LRP1B: variants seen among roughly 807,000 people sequenced by gnomAD.
The protein encoded by LRP1B is low-density lipoprotein receptor-related protein 1B.
Under a neutral mutation model 556.6 loss-of-function variants are expected in LRP1B, and 217 were observed. That is an observed-to-expected ratio of 0.39 (90% CI 0.35 to 0.44). The LOEUF is 0.44. Ranked by LOEUF, LRP1B falls within the 20% of genes least tolerant of loss-of-function variation. The pLI is 1.00. For synonymous variants in LRP1B, 2,047 were observed against 1,865.8 expected, an observed-to-expected ratio of 1.10 and a Z score of -2.50; for missense variants, 5,053 against 5,620.8, an observed-to-expected ratio of 0.90 and a Z score of 3.23.
intron 43 of LRP1B, among the ~76,000 whole-genome samples, chr2:140,578,484 T>A (rs1386870716): frequency 6.6e-6 from 1 of 152,206 alleles, no homozygotes; most frequent in Non-Finnish European, 1.5e-5. Flanking sequence ...CCTGGCCTCC[T>A]TCTACTCAGC....
intron 51 of LRP1B, among the ~76,000 whole-genome samples, chr2:140,514,258 G>A (rs1257821071): frequency 1.3e-5 from 2 of 151,864 alleles, no homozygotes; most frequent in Non-Finnish European, 2.9e-5. Flanking sequence ...TAAACAGCAC[G>A]TGTGGCTTGT....
chr2:141,579,287 T>C (rs1222298831), intron 2 of LRP1B, among the ~76,000 whole-genome samples: 1 of 152,190 alleles, frequency 6.6e-6, no homozygotes, highest in Non-Finnish European at 1.5e-5. Context: ...TTTCATTCTC[T>C]AGAGACAGGT....
chr2:140,620,657 A>C (rs1279263602), intron 41 of LRP1B, among the ~76,000 whole-genome samples: 1 of 152,020 alleles, frequency 6.6e-6, no homozygotes, highest in Non-Finnish European at 1.5e-5. Flanking sequence ...AGTAAGTGTA[A>C]AGATCTTCAA....
chr2:140,506,172 T>C (rs1402064747), intron 53 of LRP1B, among the ~76,000 whole-genome samples: 1 of 152,156 alleles, frequency 6.6e-6, no homozygotes, highest in Non-Finnish European at 1.5e-5. Context: ...GCCAGCCATA[T>C]ACTGTCTTCA....
intron 1 of LRP1B, among the ~76,000 whole-genome samples, chr2:141,826,601 C>T (rs923830132): frequency 3.9e-5 from 6 of 152,014 alleles, no homozygotes; most frequent in African/African-American, 1.2e-4. Context: ...CCTCGTGATC[C>T]GCCCACCTCA....
At chr2:140,748,136 TAATTC>T (rs1168602571) in intron 35 of LRP1B, among the ~76,000 whole-genome samples, 6 of 35,656 alleles carry the variant, frequency 1.7e-4, no homozygotes, top group African/African-American at 3.5e-4. Context: ...TATATATATA[TAATTC>T]ATATATATGT....
intron 7 of LRP1B, chr2:141,167,404 A>G (rs1307842065): frequency 6.6e-6 from 1 of 151,904 alleles, no homozygotes; most frequent in South Asian, 2.1e-4. Flanking sequence ...ATATTTTCCA[A>G]TAATCGTGTC....
Position 140,450,671 on chromosome 2 carries a change from GA to G in LRP1B, c.9964-11del. ...CAGTTTTGCAACGAAACTTAAAAAA[GA>G]AAAAAAGAAAAAAAAATGTTGAAGA... is the stretch of plus-strand genomic sequence containing the variant. On this transcript the variant is annotated splice_polypyrimidine_tract_variant and intron_variant, in intron 62 of 90. Transcript: ENST00000389484. 2 of 1,558,152 alleles carry G rather than the reference GA, an allele frequency of 1.3e-6. No individual in the cohort carries two copies. The highest frequency in any genetic ancestry group is 1.4e-5 in the African/African-American group (1 of 71,646).
At chr2:141,897,076 G>T (rs776615157) in intron 1 of LRP1B, among the ~76,000 whole-genome samples, 1 of 152,014 alleles carries the variant, frequency 6.6e-6, no homozygotes, top group Non-Finnish European at 1.5e-5. Context: ...ATGTATTCCT[G>T]TTCTGGAATC....
chr2:140,283,301 G>GCA (rs1682993260), intron 84 of LRP1B, among the ~76,000 whole-genome samples: 1 of 151,564 alleles, frequency 6.6e-6, no homozygotes, highest in African/African-American at 2.4e-5. Context: ...TTAAACTTTA[G>GCA]TGCATAGTGC....
intron 1 of LRP1B, among the ~76,000 whole-genome samples, chr2:142,029,870 A>G (rs1703626355): frequency 6.6e-6 from 1 of 150,912 alleles, no homozygotes; most frequent in South Asian, 2.1e-4. Context: ...ACCTGATGCA[A>G]TTAATTTCTA....
intron 1 of LRP1B, among the ~76,000 whole-genome samples, chr2:142,078,544 T>C (rs980918041): frequency 2.0e-5 from 3 of 152,192 alleles, no homozygotes; most frequent in African/African-American, 7.2e-5. Context: ...TGCTATTGAA[T>C]TAATGTATCC....
chr2:141,277,977 T>C (rs1484477100), intron 3 of LRP1B, among the ~76,000 whole-genome samples: 3 of 152,120 alleles, frequency 2.0e-5, no homozygotes, highest in East Asian at 3.8e-4. Flanking sequence ...AATAATAATA[T>C]CCATACTTCT....
intron 2 of LRP1B, among the ~76,000 whole-genome samples, chr2:141,609,716 C>T (rs764072750): frequency 6.6e-6 from 1 of 152,150 alleles, no homozygotes; most frequent in African/African-American, 2.4e-5. Flanking sequence ...TTTCAGACTC[C>T]TTTTTTCCTC....
intron 41 of LRP1B, among the ~76,000 whole-genome samples, chr2:140,662,760 C>T (rs1265434881): frequency 2.0e-5 from 3 of 152,058 alleles, no homozygotes; most frequent in African/African-American, 7.2e-5. Context: ...ATTCATGAAA[C>T]ATTGCCTTAG....
chr2:141,030,526 A>C (rs1202339422), intron 11 of LRP1B, among the ~76,000 whole-genome samples: 7 of 152,142 alleles, frequency 4.6e-5, no homozygotes, highest in Non-Finnish European at 1.0e-4. Flanking sequence ...TATGATTAAC[A>C]ATAAAGATTT....
chr2:141,344,570 C>A (rs1289840069), intron 3 of LRP1B, among the ~76,000 whole-genome samples: 2 of 152,086 alleles, frequency 1.3e-5, no homozygotes, highest in African/African-American at 4.8e-5. Flanking sequence ...ATCTGACATT[C>A]TTTATTCTTC....
chr2:140,478,139 CTTAACT>C (rs1274906693), intron 59 of LRP1B, among the ~76,000 whole-genome samples: 2 of 135,862 alleles, frequency 1.5e-5, no homozygotes, highest in African/African-American at 5.4e-5. Flanking sequence ...CAAAGTATAA[CTTAACT>C]TTTTTTTTTT....
chr2:140,592,967 C>CAT (rs1236282862), intron 43 of LRP1B, among the ~76,000 whole-genome samples: 1 of 135,432 alleles, frequency 7.4e-6, no homozygotes. Flanking sequence ...CACACACACA[C>CAT]ATACACACAA....
Sources: allele counts gnomAD v4.1 joint callset (sites outside exome capture counted in the v4.1 genomes callset), GRCh38; gene constraint gnomAD v4.1.1; transcripts MANE v1.5; gene names NCBI Gene and HGNC (gene_info 2026-07-23, HGNC 2026-07-21).